Variants in ADAM2 observed in about 807,000 individuals in gnomAD.
The protein encoded by ADAM2 is ADAM metallopeptidase domain 2, also known as disintegrin and metalloproteinase domain-containing protein 2.
Under a neutral mutation model 99.3 loss-of-function variants are expected in ADAM2, and 101 were observed. The ratio of observed to expected loss-of-function variants is 1.02; its 90% CI spans 0.87 to 1.20. The LOEUF is 1.20. Ranked by LOEUF, ADAM2 falls within the 50% of genes most tolerant of loss-of-function variation. The pLI, the probability that ADAM2 is intolerant of heterozygous loss-of-function variation, is 0.00. For synonymous variants in ADAM2, 323 were observed against 287.6 expected (o/e 1.12, Z -1.25); for missense variants, 948 against 878.7 (o/e 1.08, Z -1.00).
At chr8:39,834,561 C>T (rs1330595763) in intron 2 of ADAM2, among the ~76,000 whole-genome samples, 2 of 151,724 alleles carry the variant, frequency 1.3e-5, no homozygotes, top group African/African-American at 2.4e-5. Flanking sequence ...GGTGAAACCC[C>T]ATCTCTACTA....
rs1241768496 is a variant in ADAM2, at chr8:39,821,078, T to C, written c.437A>G (p.Lys146Arg). The C allele has an allele frequency of 6.2e-7, 1 of 1,606,808 alleles. No homozygotes were observed. Among genetic ancestry groups the C allele is most frequent in the East Asian group, 2.2e-5 (1 of 44,786 alleles). The change falls in exon 6 of 21, where the codon AAG becomes AGG. Residue 146 changes from lysine to arginine, a missense_variant. Lys to Arg is a conservative substitution (Grantham distance 26). Coordinates refer to ENST00000265708, the MANE Select transcript of ADAM2 (RefSeq NM_001464.5). ...ATTATATAAGGAAACATCTGCTTTC[T>C]TATGTTTTACTTGGTAAATTACATG... ...FEHVIYQVKH[K>R]KADVSLYNEK...
At chr8:39,756,755 A>G (rs1563337415) in intron 15 of ADAM2, among the ~76,000 whole-genome samples, 4 of 152,244 alleles carry the variant, frequency 2.6e-5, no homozygotes, top group Non-Finnish European at 5.9e-5. Flanking sequence ...TCGAGGAAGG[A>G]CTTGGAGTTG....
intron 15 of ADAM2, among the ~76,000 whole-genome samples, chr8:39,760,041 A>AT (rs1341216898): frequency 7.2e-5 from 11 of 151,966 alleles, no homozygotes; most frequent in Admixed American, 2.6e-4. Context: ...TAATTTTTGA[A>AT]TTTTTAGTAG....
intron 7 of ADAM2, among the ~76,000 whole-genome samples, chr8:39,801,824 G>C (rs1804226043): frequency 6.6e-6 from 1 of 152,194 alleles, no homozygotes; most frequent in Non-Finnish European, 1.5e-5. Flanking sequence ...GTGTTGGGCA[G>C]TGGGAACAAA....
intron 6 of ADAM2, among the ~76,000 whole-genome samples, chr8:39,813,057 T>A (rs1393270240): frequency 6.6e-6 from 1 of 152,108 alleles, no homozygotes; most frequent in Non-Finnish European, 1.5e-5. Flanking sequence ...TACAAAGAAC[T>A]TAAACAAATT....
intron 9 of ADAM2, among the ~76,000 whole-genome samples, 190 bp from the exon 10 acceptor site, chr8:39,787,245 T>C (rs1803502397): frequency 6.6e-6 from 1 of 151,834 alleles, no homozygotes; most frequent in African/African-American, 2.4e-5. Context: ...ACAAAGTGTA[T>C]TTTATATGGA....
intron 11 of ADAM2, 52 bp downstream of exon 11, chr8:39,776,973 A>G: frequency 8.7e-7 from 1 of 1,146,592 alleles, no homozygotes; most frequent in Non-Finnish European, 1.3e-6. Flanking sequence ...AACTAAATAC[A>G]TTAAAATTAC....
chr8:39,786,655 T>A (rs955629990), intron 10 of ADAM2, among the ~76,000 whole-genome samples: 30 of 152,232 alleles, frequency 2.0e-4, no homozygotes, highest in African/African-American at 7.0e-4. Flanking sequence ...GGAAAACATA[T>A]AAAATCTAAG....
In ADAM2 at chr8:39,788,335, T is replaced by C. The variant is rs886672620; in HGVS notation, c.643-84A>G. The C allele has an allele frequency of 7.7e-5, 66 of 857,044 alleles. 2 individuals are homozygous for C. Among genetic ancestry groups the C allele is most frequent in the Non-Finnish European group, 6.7e-6 (4 of 596,424 alleles). 53.1% of individuals were successfully genotyped at this position (857,044 alleles called of 1,614,324 possible). Reference sequence around the variant, plus strand: ...TATATGTTTGAAAACAAATTTATGATAAATATTAAACAACTAAACTATAAG... The same window carrying C: ...TATATGTTTGAAAACAAATTTATGACAAATATTAAACAACTAAACTATAAG... On this transcript the variant is annotated intron_variant, in intron 8 of 20. Coordinates refer to ENST00000265708, the MANE Select transcript of ADAM2 (RefSeq NM_001464.5).
At chr8:39,830,805 T>C (rs536505010) in intron 3 of ADAM2, among the ~76,000 whole-genome samples, 11 of 152,298 alleles carry the variant, frequency 7.2e-5, no homozygotes, top group Admixed American at 2.0e-4. Flanking sequence ...GCTTCTGTCA[T>C]GTCAGTGTTT....
chr8:39,752,606 C>A (rs1194350212), intron 16 of ADAM2, among the ~76,000 whole-genome samples: 1 of 152,088 alleles, frequency 6.6e-6, no homozygotes, highest in Non-Finnish European at 1.5e-5. Context: ...GGGAAAGGTG[C>A]AGGGAGAGTA....
At chr8:39,757,047 T>C (rs1802175696) in intron 15 of ADAM2, among the ~76,000 whole-genome samples, 1 of 152,216 alleles carries the variant, frequency 6.6e-6, no homozygotes, top group Admixed American at 6.5e-5. Flanking sequence ...AAGATTAAGA[T>C]ATACAATCAT....
At chr8:39,832,826 A>G (rs1480489574) in intron 3 of ADAM2, among the ~76,000 whole-genome samples, 2 of 100,052 alleles carry the variant, frequency 2.0e-5, no homozygotes, top group East Asian at 4.5e-4. Flanking sequence ...CAAGAAAATA[A>G]CCACATTATA....
chr8:39,820,371 T>G (rs958361795), intron 6 of ADAM2, among the ~76,000 whole-genome samples: 1 of 152,106 alleles, frequency 6.6e-6, no homozygotes, highest in Admixed American at 6.6e-5. Flanking sequence ...TGAATTACAG[T>G]GCAAACTGAA....
At chr8:39,751,363 T>A (rs1801934677) in intron 16 of ADAM2, among the ~76,000 whole-genome samples, 1 of 152,216 alleles carries the variant, frequency 6.6e-6, no homozygotes, top group African/African-American at 2.4e-5. Flanking sequence ...GTAAACCTAA[T>A]TTTCAGAACC....
intron 11 of ADAM2, among the ~76,000 whole-genome samples, chr8:39,774,492 C>A (rs897205100): frequency 6.6e-6 from 1 of 151,726 alleles, no homozygotes; most frequent in Non-Finnish European, 1.5e-5. Context: ...TAATCAATAC[C>A]ATTTCTATAT....
intron 10 of ADAM2, among the ~76,000 whole-genome samples, chr8:39,784,045 C>G (rs1267146894): frequency 2.0e-5 from 3 of 152,100 alleles, no homozygotes; most frequent in African/African-American, 7.2e-5. Context: ...CACATATAAA[C>G]TTTTAGGAAG....
At chr8:39,764,557 C>T (rs554834623) in intron 14 of ADAM2, among the ~76,000 whole-genome samples, 4 of 152,316 alleles carry the variant, frequency 2.6e-5, no homozygotes, top group African/African-American at 7.2e-5. Context: ...TGCCCCCAGA[C>T]GCCAGCTTAA....
rs1586069111 is a variant in ADAM2, at chr8:39,767,046, GATGGGATGAGGTAA to G, written c.1312-17_1312-4del. 6.2e-7 allele frequency: 1 copy of G among 1,612,756 alleles called. No homozygotes were observed. Among genetic ancestry groups the G allele is most frequent in the Non-Finnish European group, 8.5e-7 (1 of 1,178,852 alleles). On this transcript the variant is annotated splice_polypyrimidine_tract_variant and splice_region_variant and intron_variant, in intron 13 of 20. Transcript: ENST00000265708. Reference sequence around the variant, plus strand: ...CACATTCTTTCTTTTGACATAAACTGATGGGATGAGGTAAATGATATTGAATTAAGCAGAATGAG... The same window carrying G: ...CACATTCTTTCTTTTGACATAAACTGATGATATTGAATTAAGCAGAATGAG...
Sources: gnomAD v4.1 joint callset for allele counts (sites outside exome capture counted in the v4.1 genomes callset) on GRCh38, gnomAD v4.1.1 for gene constraint, MANE v1.5 for transcripts, NCBI Gene and HGNC (gene_info 2026-07-23, HGNC 2026-07-21) for gene names.